Variants in TRAPPC9 observed in about 807,000 individuals in gnomAD.
TRAPPC9 encodes trafficking protein particle complex subunit 9, also known as IKK2 binding protein.
Under a neutral mutation model 124.0 loss-of-function variants are expected in TRAPPC9, and 83 were observed. The ratio of observed to expected loss-of-function variants is 0.67; its 90% CI spans 0.56 to 0.80. The LOEUF is 0.80. Ranked by LOEUF, TRAPPC9 falls within the 30% of genes least tolerant of loss-of-function variation. The pLI is 0.00. For synonymous variants in TRAPPC9, 638 were observed against 617.5 expected, an observed-to-expected ratio of 1.03 and a Z score of -0.49; for missense variants, 1,302 against 1,508.3, an observed-to-expected ratio of 0.86 and a Z score of 2.27.
chr8:140,122,846 C>CT (rs1462618556), intron 17 of TRAPPC9, among the ~76,000 whole-genome samples: 2 of 152,208 alleles, frequency 1.3e-5, no homozygotes, highest in Non-Finnish European at 2.9e-5. Flanking sequence ...CTGAGCCCAT[C>CT]TTGAAGGGCC....
intron 9 of TRAPPC9, among the ~76,000 whole-genome samples, chr8:140,352,628 T>A (rs1179033227): frequency 6.6e-6 from 1 of 152,186 alleles, no homozygotes; most frequent in Admixed American, 6.5e-5. Context: ...GCTCCCTGCC[T>A]GAAGAACACC....
chr8:140,307,288 A>G (rs2131860002), intron 10 of TRAPPC9, among the ~76,000 whole-genome samples: 1 of 152,332 alleles, frequency 6.6e-6, no homozygotes, highest in Middle Eastern at 3.4e-3. Flanking sequence ...CTCAGAGGGA[A>G]AGAAACCAAG....
At chr8:140,435,377 TG>T (rs2070779203) in intron 3 of TRAPPC9, 137 bp from the exon 4 acceptor site, 1 of 1,267,100 alleles carries the variant, frequency 7.9e-7, no homozygotes, top group African/African-American at 1.5e-5. Context: ...TATTTGGAAA[TG>T]CCAATTTTTC....
At chr8:140,191,080 TCAG>T (rs1448363073) in intron 17 of TRAPPC9, among the ~76,000 whole-genome samples, 2 of 152,144 alleles carry the variant, frequency 1.3e-5, no homozygotes, top group African/African-American at 4.8e-5. Flanking sequence ...TCTACAATGC[TCAG>T]CATCTGCCCC....
At chr8:140,313,640 T>C (rs538908401) in intron 9 of TRAPPC9, among the ~76,000 whole-genome samples, 1 of 152,196 alleles carries the variant, frequency 6.6e-6, no homozygotes, top group South Asian at 2.1e-4. Context: ...CAATATTCAC[T>C]TACTCCCCAT....
intron 21 of TRAPPC9, among the ~76,000 whole-genome samples, chr8:139,856,405 G>A (rs576960251): frequency 1.9e-4 from 29 of 152,204 alleles, no homozygotes; most frequent in South Asian, 1.5e-3. Context: ...GCCCTGCGGC[G>A]GCTCCCCTTC....
chr8:140,139,425 C>T (rs957185113), intron 17 of TRAPPC9, among the ~76,000 whole-genome samples: 4 of 152,158 alleles, frequency 2.6e-5, no homozygotes, highest in East Asian at 1.9e-4. Flanking sequence ...GCATTTCACA[C>T]GGGGGTTATA....
At chr8:140,003,766 T>C (rs1338407440) in intron 18 of TRAPPC9, among the ~76,000 whole-genome samples, 3 of 152,188 alleles carry the variant, frequency 2.0e-5, no homozygotes. Context: ...GTACTACCAC[T>C]CTGGAAAACA....
chr8:139,895,117 G>A (rs534256755), intron 20 of TRAPPC9, among the ~76,000 whole-genome samples: 1 of 152,318 alleles, frequency 6.6e-6, no homozygotes, highest in East Asian at 1.9e-4. Context: ...TAACTCCAGA[G>A]GCCAGGCTCT....
chr8:140,064,483 C>G (rs1030356513), intron 17 of TRAPPC9, among the ~76,000 whole-genome samples: 1 of 152,132 alleles, frequency 6.6e-6, no homozygotes, highest in African/African-American at 2.4e-5. Context: ...TGATAGCACA[C>G]GTTGCATGCC....
At chr8:139,994,983 T>TA (rs56297412) in intron 18 of TRAPPC9, among the ~76,000 whole-genome samples, 4 of 90,814 alleles carry the variant, frequency 4.4e-5, no homozygotes, top group Admixed American at 1.0e-4. Context: ...GGTTTGTGTT[T>TA]AAAAAAAAAA....
chr8:140,011,967 T>C (rs1487419368), intron 18 of TRAPPC9, among the ~76,000 whole-genome samples: 1 of 152,010 alleles, frequency 6.6e-6, no homozygotes, highest in East Asian at 1.9e-4. Context: ...CATGAGCCAC[T>C]GCGCCAGACA....
chr8:139,930,797 G>A (rs1017187369), intron 19 of TRAPPC9, among the ~76,000 whole-genome samples: 14 of 152,304 alleles, frequency 9.2e-5, no homozygotes, highest in African/African-American at 2.6e-4. Context: ...CTGAGGAGAC[G>A]CTCAAAACAG....
rs78952130 is a variant in TRAPPC9, at chr8:139,845,879, G to A, written c.3055+40000C>T. Among the ~76,000 whole-genome samples the A allele has an allele frequency of 1.6e-3, 237 of 152,356 alleles. 9 individuals carry two copies. The East Asian group carries it at 0.03, about 19-fold the overall frequency. On this transcript the variant is annotated intron_variant, in intron 21 of 22. Transcript: ENST00000438773. ...TTTGGGGCCAGGCAGGATCCTTGTT[G>A]TCAAAGGGTTTCCAGGCTGGCAGAT... is the stretch of plus-strand genomic sequence containing the variant.
chr8:140,083,060 G>T (rs1372989916), intron 17 of TRAPPC9, among the ~76,000 whole-genome samples: 2 of 152,158 alleles, frequency 1.3e-5, no homozygotes, highest in East Asian at 3.9e-4. Context: ...GGGCATGGTG[G>T]CATGTGCCTG....
intron 21 of TRAPPC9, among the ~76,000 whole-genome samples, chr8:139,771,934 A>T (rs927390326): frequency 2.6e-5 from 4 of 152,218 alleles, no homozygotes; most frequent in African/African-American, 9.6e-5. Context: ...GTCTCCGCCC[A>T]GCATGGATCT....
intron 2 of TRAPPC9, among the ~76,000 whole-genome samples, chr8:140,439,700 ACTAACAGCT>A (rs2132631643): frequency 6.6e-6 from 1 of 152,344 alleles, no homozygotes; most frequent in Non-Finnish European, 1.5e-5. Context: ...TGGGGTGCTC[ACTAACAGCT>A]CTTTAAATAT....
At chr8:140,311,204 C>A in intron 10 of TRAPPC9, 44 bp downstream of exon 10, 2 of 1,603,866 alleles carry the variant, frequency 1.2e-6, no homozygotes, top group Non-Finnish European at 1.7e-6. Flanking sequence ...AGGACGGTGT[C>A]CCAGAGGGCA....
chr8:140,152,281 C>T (rs1417446771), intron 17 of TRAPPC9, among the ~76,000 whole-genome samples: 1 of 138,980 alleles, frequency 7.2e-6, no homozygotes, highest in Non-Finnish European at 1.5e-5. Context: ...ATTAGCTTGT[C>T]AATTTCTACC....
Sources: allele counts gnomAD v4.1 joint callset (sites outside exome capture counted in the v4.1 genomes callset), GRCh38; gene constraint gnomAD v4.1.1; transcripts MANE v1.5; gene names NCBI Gene and HGNC (gene_info 2026-07-23, HGNC 2026-07-21).